The following SAMMSON variants were observed in gnomAD, a reference collection of about 807,000 sequenced individuals.
SAMMSON encodes the protein long intergenic non-protein coding RNA 1212.
chr3:70,232,635 T>C (rs1392680946), intron 4 of SAMMSON, among the ~76,000 whole-genome samples: 1 of 152,060 alleles, frequency 6.6e-6, no homozygotes, highest in East Asian at 1.9e-4. Flanking sequence ...CCTGAGCTCG[T>C]GATCCGCCCG....
Position 70,427,575 on chromosome 3 carries a change from T to C in SAMMSON, n.234-34985T>C, listed in dbSNP as rs1320251879. 2.6e-5 allele frequency among the ~76,000 whole-genome samples: 4 copies of C among 152,092 alleles called. 1 individual carries two copies. Among genetic ancestry groups the C allele is most frequent in the Admixed American group, 2.0e-4 (3 of 15,282 alleles). ...TGACACGGTGAAACCCCGTCTCTAC[T>C]AAAAATACAAAAATTAGCCGGGCAT... On this transcript the variant is annotated intron_variant and non_coding_transcript_variant, in intron 2 of 3. Coordinates refer to the SAMMSON transcript ENST00000641053.
intron 6 of SAMMSON, among the ~76,000 whole-genome samples, chr3:70,259,334 C>A (rs1701844634): frequency 6.6e-6 from 1 of 151,934 alleles, no homozygotes; most frequent in South Asian, 2.1e-4. Context: ...GACTCCAGCT[C>A]TTTAGAGGAT....
At chr3:70,374,537 G>A (rs1238805246) in intron 9 of SAMMSON, among the ~76,000 whole-genome samples, 1 of 152,004 alleles carries the variant, frequency 6.6e-6, no homozygotes, top group Non-Finnish European at 1.5e-5. Flanking sequence ...ATTGCTACTG[G>A]GTGGGAGTGG....
intron 3 of SAMMSON, among the ~76,000 whole-genome samples, chr3:70,020,241 T>C (rs1474112901): frequency 6.6e-6 from 1 of 152,098 alleles, no homozygotes; most frequent in African/African-American, 2.4e-5. Context: ...TTCTTTCCTT[T>C]AGCCTTCTCT....
intron 2 of SAMMSON, among the ~76,000 whole-genome samples, chr3:70,410,513 G>A (rs1253055496): frequency 6.6e-6 from 1 of 152,100 alleles, no homozygotes; most frequent in Non-Finnish European, 1.5e-5. Flanking sequence ...AAGTTTACTT[G>A]AGAAGGGAAA....
intron 3 of SAMMSON, among the ~76,000 whole-genome samples, chr3:70,022,411 C>G (rs1390391667): frequency 2.5e-5 from 2 of 79,000 alleles, no homozygotes; most frequent in Non-Finnish European, 4.5e-5. Context: ...TACCCTAAAA[C>G]TTAAAGTATA....
chr3:70,180,027 T>TGC (rs756599058), intron 4 of SAMMSON, among the ~76,000 whole-genome samples: 1,363 of 99,310 alleles, frequency 0.014, 12 homozygotes, highest in Non-Finnish European at 0.019. Context: ...TGTGTGTGTG[T>TGC]GCGCGCACGT....
intron 7 of SAMMSON, among the ~76,000 whole-genome samples, chr3:70,328,957 A>T (rs1436490967): frequency 6.6e-6 from 1 of 152,176 alleles, no homozygotes; most frequent in African/African-American, 2.4e-5. Flanking sequence ...AATAAAAAAG[A>T]TAAATGACAA....
At chr3:70,395,176 T>C (rs1464267290) in intron 2 of SAMMSON, among the ~76,000 whole-genome samples, 1 of 152,122 alleles carries the variant, frequency 6.6e-6, no homozygotes, top group Non-Finnish European at 1.5e-5. Flanking sequence ...CCCTGGTCCC[T>C]GTTGCTTTTG....
At chr3:70,319,304 GAGCAAAC>G (rs1226527025) in intron 7 of SAMMSON, among the ~76,000 whole-genome samples, 1 of 152,052 alleles carries the variant, frequency 6.6e-6, no homozygotes, top group African/African-American at 2.4e-5. Context: ...TCGAGAGCTG[GAGCAAAC>G]ATGTAGCTCA....
At chr3:70,028,179 C>CTTTA (rs1376830990) in intron 3 of SAMMSON, among the ~76,000 whole-genome samples, 1 of 74,944 alleles carries the variant, frequency 1.3e-5, no homozygotes, top group Non-Finnish European at 2.8e-5. Context: ...TCCTTCCTTC[C>CTTTA]TTCCTTCCTT....
intron 4 of SAMMSON, among the ~76,000 whole-genome samples, chr3:70,166,347 C>G (rs1402040622): frequency 1.3e-5 from 2 of 152,008 alleles, no homozygotes; most frequent in African/African-American, 4.8e-5. Context: ...GGCTTGCCTT[C>G]TCTAGGTTGA....
At chr3:70,238,663 A>G (rs1011832507) in intron 4 of SAMMSON, among the ~76,000 whole-genome samples, 5 of 152,024 alleles carry the variant, frequency 3.3e-5, no homozygotes, top group African/African-American at 1.2e-4. Flanking sequence ...GGGGGCCAAG[A>G]AAAGAAAGTA....
At chr3:70,384,498 A>T (rs1342392684) in intron 9 of SAMMSON, among the ~76,000 whole-genome samples, 3 of 152,050 alleles carry the variant, frequency 2.0e-5, no homozygotes, top group African/African-American at 4.8e-5. Flanking sequence ...CTTCAAGAAG[A>T]TCAAATAGTT....
intron 4 of SAMMSON, chr3:70,127,082 A>G (rs1266057330): frequency 6.6e-6 from 1 of 152,222 alleles, no homozygotes; most frequent in East Asian, 1.9e-4. Context: ...GGTAGCATAT[A>G]TTATACTTAT....
chr3:70,252,265 G>T (rs940364889), intron 6 of SAMMSON, among the ~76,000 whole-genome samples: 2 of 152,132 alleles, frequency 1.3e-5, no homozygotes, highest in African/African-American at 2.4e-5. Flanking sequence ...TATGACTTAG[G>T]CTTAAAGTAT....
At chr3:70,214,256 G>A (rs1237939655) in intron 4 of SAMMSON, among the ~76,000 whole-genome samples, 9 of 152,140 alleles carry the variant, frequency 5.9e-5, no homozygotes, top group Non-Finnish European at 8.8e-5. Flanking sequence ...GTTGGAAGAC[G>A]TCCTTTAAAG....
intron 9 of SAMMSON, among the ~76,000 whole-genome samples, chr3:70,362,530 A>T (rs912187387): frequency 6.6e-6 from 1 of 152,096 alleles, no homozygotes; most frequent in Non-Finnish European, 1.5e-5. Flanking sequence ...TTATTAAATG[A>T]AACATTTCAT....
Position 70,283,239 on chromosome 3 carries a change from C to T in SAMMSON, n.675-7940C>T, listed in dbSNP as rs142803090. 3.8e-3 allele frequency among the ~76,000 whole-genome samples: 585 copies of T among 152,124 alleles called. 12 individuals are homozygous for T. The highest frequency in any genetic ancestry group is 7.4e-4 in the Non-Finnish European group (50 of 67,998). ...GAATGAAGACACTGAAATAGATTTGCGGGAACCTTGTAAACTCATGCAGTC... is the reference window on the plus strand; with the variant it reads ...GAATGAAGACACTGAAATAGATTTGTGGGAACCTTGTAAACTCATGCAGTC... On this transcript the variant is annotated intron_variant and non_coding_transcript_variant, in intron 6 of 9. Transcript: ENST00000642114.
Sources: allele counts gnomAD v4.1 joint callset (sites outside exome capture counted in the v4.1 genomes callset), GRCh38; gene constraint gnomAD v4.1.1; transcripts MANE v1.5; gene names NCBI Gene and HGNC (gene_info 2026-07-23, HGNC 2026-07-21).